The following OPCML variants were observed in gnomAD, a reference collection of about 807,000 sequenced individuals.
OPCML encodes opioid-binding protein/cell adhesion molecule.
OPCML carries 13 observed loss-of-function variants against 37.8 expected under a neutral mutation model. The ratio of observed to expected loss-of-function variants is 0.34; its 90% confidence interval spans 0.22 to 0.55. OPCML has a LOEUF of 0.55. OPCML is among the 20% of genes least tolerant of loss of function. The probability of loss-of-function intolerance (pLI) is 0.91; values close to 1 mark genes in which losing one functional copy is unlikely to be tolerated. For synonymous variants in OPCML, 176 were observed against 168.8 expected (o/e 1.04, Z -0.33); for missense variants, 341 against 435.6 (o/e 0.78, Z 1.93).
Position 132,485,079 on chromosome 11 carries a change from T to G in OPCML, c.505+43982A>C, listed in dbSNP as rs143941992. On this transcript the variant is annotated intron_variant, in intron 4 of 7. Transcript: ENST00000524381. ...AACTTAAAGTATAATAATAAAAAAA[T>G]AATAATAATAAAATAAAATAAAAAA... Among the ~76,000 whole-genome samples, 1,150 of 147,768 alleles carry G rather than the reference T, an allele frequency of 7.8e-3. 11 individuals carry two copies. Among genetic ancestry groups the G allele is most frequent in the South Asian group, 0.025 (116 of 4,652 alleles).
At chr11:132,699,787 G>C (rs1369882557) in intron 2 of OPCML, among the ~76,000 whole-genome samples, 1 of 151,952 alleles carries the variant, frequency 6.6e-6, no homozygotes, top group Non-Finnish European at 1.5e-5. Context: ...TATTTATCAG[G>C]AATATTGGCC....
intron 1 of OPCML, among the ~76,000 whole-genome samples, chr11:133,322,769 C>T (rs981023939): frequency 1.3e-5 from 2 of 152,164 alleles, no homozygotes; most frequent in African/African-American, 4.8e-5. Flanking sequence ...ATCTCCAAAA[C>T]CCTTCTCAAT....
intron 1 of OPCML, among the ~76,000 whole-genome samples, chr11:133,424,760 T>A (rs1945966153): frequency 6.6e-6 from 1 of 152,214 alleles, no homozygotes; most frequent in Non-Finnish European, 1.5e-5. Context: ...TATTTTGAGG[T>A]CTTTAATACA....
chr11:133,270,394 C>T (rs979572441), intron 1 of OPCML, among the ~76,000 whole-genome samples: 1 of 152,104 alleles, frequency 6.6e-6, no homozygotes, highest in African/African-American at 2.4e-5. Context: ...CTTTGTTCAT[C>T]TGGAAAATGA....
intron 3 of OPCML, among the ~76,000 whole-genome samples, chr11:132,567,515 T>A (rs2096426511): frequency 6.6e-6 from 1 of 152,144 alleles, no homozygotes; most frequent in African/African-American, 2.4e-5. Context: ...GACAACTAGA[T>A]AGGTCTCCAC....
At chr11:133,033,804 C>G (rs1381758830) in intron 1 of OPCML, among the ~76,000 whole-genome samples, 4 of 152,192 alleles carry the variant, frequency 2.6e-5, no homozygotes, top group African/African-American at 9.6e-5. Flanking sequence ...TGAATCCCAT[C>G]TCTGCAACTT....
In OPCML at chr11:132,418,822, C is replaced by T. The variant is rs1249147266; in HGVS notation, c.*1371G>A. The T allele has an allele frequency of 6.6e-6, 1 of 152,618 alleles. No homozygotes were observed. Among genetic ancestry groups the T allele is most frequent in the African/African-American group, 2.4e-5 (1 of 41,458 alleles). The allele number at this position is 152,618 out of a possible 1,614,324, so 9.5% of individuals were successfully genotyped here. ...AGGAAAGCCAGCCATAGGTTCCTGA[C>T]ATGTACTTTCTTGAAGGGTTGAGAG... is the stretch of plus-strand genomic sequence containing the variant. On this transcript the variant is annotated 3_prime_UTR_variant, in exon 8 of 8. Transcript: ENST00000524381.
At chr11:133,420,452 G>A (rs1945863360) in intron 1 of OPCML, 1 of 985,048 alleles carries the variant, frequency 1.0e-6, no homozygotes, top group Admixed American at 6.2e-5. Context: ...TTCAATTTTT[G>A]TTTTCCTCTC....
At position 133,332,028 on chromosome 11, in the gene OPCML, T is replaced by C. The variant is rs190062688; in HGVS notation, c.61+200236A>G. Among the ~76,000 whole-genome samples the C allele has an allele frequency of 3.2e-3, 484 of 152,322 alleles. 1 individual carries two copies. Among genetic ancestry groups the C allele is most frequent in the African/African-American group, 0.011 (453 of 41,570 alleles). On this transcript the variant is annotated intron_variant, in intron 1 of 7. Transcript: ENST00000524381. ...AATCTGTAAATTGCTTTGGAAAGTA[T>C]AGTCATTTGAACGATAATGATTCTT...
chr11:132,963,093 C>T (rs962827836), intron 1 of OPCML, among the ~76,000 whole-genome samples: 2 of 152,174 alleles, frequency 1.3e-5, no homozygotes, highest in Non-Finnish European at 2.9e-5. Context: ...CCACTAGAAC[C>T]CCAGATGCTT....
chr11:132,996,314 G>T (rs4936179), intron 1 of OPCML, among the ~76,000 whole-genome samples: 24,128 of 151,908 alleles, frequency 0.16, 2,248 homozygotes, highest in Admixed American at 0.31. Context: ...TGCAAAGAGG[G>T]ATAAAGATTA....
intron 1 of OPCML, among the ~76,000 whole-genome samples, chr11:133,443,109 G>C (rs1387868902): frequency 6.6e-6 from 1 of 152,104 alleles, no homozygotes; most frequent in Non-Finnish European, 1.5e-5. Context: ...ATCTAAACAA[G>C]AACATCAGAC....
At chr11:133,517,891 C>T (rs1396125897) in intron 1 of OPCML, among the ~76,000 whole-genome samples, 1 of 152,146 alleles carries the variant, frequency 6.6e-6, no homozygotes, top group Non-Finnish European at 1.5e-5. Context: ...AGGCTGTGCA[C>T]CTTGCTGAGC....
intron 2 of OPCML, among the ~76,000 whole-genome samples, chr11:132,770,233 C>T (rs570419281): frequency 1.2e-4 from 19 of 152,300 alleles, no homozygotes; most frequent in East Asian, 9.6e-4. Context: ...CAAACAGACA[C>T]GAATTCCTGC....
intron 1 of OPCML, among the ~76,000 whole-genome samples, chr11:133,039,961 G>A (rs1266087235): frequency 2.0e-5 from 3 of 151,650 alleles, no homozygotes; most frequent in Admixed American, 6.6e-5. Flanking sequence ...CCCGGGAGGC[G>A]GAGGTTGCAG....
chr11:132,562,911 A>G (rs2096413754), intron 3 of OPCML, among the ~76,000 whole-genome samples: 1 of 152,230 alleles, frequency 6.6e-6, no homozygotes, highest in African/African-American at 2.4e-5. Flanking sequence ...AAATGCCTCT[A>G]GAATCTCTGA....
chr11:132,939,817 G>A (rs560116108), intron 2 of OPCML, among the ~76,000 whole-genome samples: 2 of 152,242 alleles, frequency 1.3e-5, no homozygotes, highest in East Asian at 1.9e-4. Flanking sequence ...CTAATGCAGA[G>A]CCACAGAACA....
intron 4 of OPCML, among the ~76,000 whole-genome samples, chr11:132,512,875 G>A (rs10791234): frequency 0.2 from 30,333 of 151,716 alleles, 3,122 homozygotes; most frequent in Non-Finnish European, 0.22. Context: ...GGAAGCTTTT[G>A]AGGTAATGGT....
intron 2 of OPCML, among the ~76,000 whole-genome samples, chr11:132,682,277 T>C (rs1057056155): frequency 4.6e-5 from 7 of 152,154 alleles, no homozygotes; most frequent in African/African-American, 1.7e-4. Flanking sequence ...TTCAGTAGGT[T>C]TCTAACCTAA....
Sources: gnomAD v4.1 joint callset for allele counts (sites outside exome capture counted in the v4.1 genomes callset) on GRCh38, gnomAD v4.1.1 for gene constraint, MANE v1.5 for transcripts, NCBI Gene and HGNC (gene_info 2026-07-23, HGNC 2026-07-21) for gene names.